Variants in TMEM131 observed in about 807,000 individuals in gnomAD.
The protein encoded by TMEM131 is transmembrane protein 131.
Under a neutral mutation model 211.6 loss-of-function variants are expected in TMEM131, and 66 were observed. That is an observed-to-expected ratio of 0.31 (90% CI 0.26 to 0.38). The LOEUF (loss-of-function observed/expected upper bound fraction) is 0.38, where lower values mean the gene tolerates loss of function less well. Ranked by LOEUF, TMEM131 falls within the 10% of genes least tolerant of loss-of-function variation. The pLI, the probability that TMEM131 is intolerant of heterozygous loss-of-function variation, is 1.00. For missense variants in TMEM131, 2,036 were observed against 2,299.3 expected, an observed-to-expected ratio of 0.89 and a Z score of 2.34; for synonymous variants, 844 against 841.3, an observed-to-expected ratio of 1.00 and a Z score of -0.06.
chr2:97,847,197 G>A (rs1353923221), intron 5 of TMEM131, among the ~76,000 whole-genome samples: 1 of 149,052 alleles, frequency 6.7e-6, no homozygotes, highest in Non-Finnish European at 1.5e-5. Flanking sequence ...CAAAAATAAA[G>A]TGCAAAGAAG....
At chr2:97,958,031 G>A (rs866131290) in intron 1 of TMEM131, among the ~76,000 whole-genome samples, 3 of 152,196 alleles carry the variant, frequency 2.0e-5, no homozygotes, top group Admixed American at 6.5e-5. Flanking sequence ...TGAAGGAAGA[G>A]TCAGGTGAAC....
chr2:97,805,057 T>C, intron 22 of TMEM131, 31 bp downstream of exon 22: 2 of 1,419,570 alleles, frequency 1.4e-6, no homozygotes, highest in Non-Finnish European at 1.9e-6. Context: ...CTTGTAAAGA[T>C]GGCTAAAATA....
chr2:97,897,783 A>G (rs2104317792), intron 3 of TMEM131, among the ~76,000 whole-genome samples: 1 of 152,286 alleles, frequency 6.6e-6, no homozygotes, highest in Middle Eastern at 3.4e-3. Context: ...GCGTTTATGT[A>G]AGACTAGTAA....
At position 97,792,664 on chromosome 2, in the gene TMEM131, C is replaced by T; in HGVS notation, c.3866G>A (p.Gly1289Asp). ...CGGGCTGTGGGCATGGTGCTGGCTG[C>T]CGTGCTGGCTCTGCTTTGCCCCTTT... ...KSKGAKQSQHGSQHHAHSPLE... is the reference protein window; with the variant it reads ...KSKGAKQSQHDSQHHAHSPLE... The change falls in exon 31 of 41, where the codon GGC becomes GAC. Residue 1289 changes from glycine to aspartate, a missense_variant. Physicochemically the swap from Gly to Asp is moderately conservative, Grantham distance 94 (BLOSUM62 -1). This residue lies in a region of TMEM131 where 1,623 missense variants were observed against 1,805.9 expected (regional missense o/e 0.90). Coordinates refer to ENST00000186436, the MANE Select transcript of TMEM131 (RefSeq NM_015348.2). The T allele has an allele frequency of 1.9e-6, 3 of 1,613,898 alleles. No individual in the cohort carries two copies. The highest frequency in any genetic ancestry group is 2.5e-6 in the Non-Finnish European group (3 of 1,179,870).
intron 10 of TMEM131, among the ~76,000 whole-genome samples, chr2:97,834,134 A>G (rs1682835338): frequency 6.6e-6 from 1 of 152,248 alleles, no homozygotes; most frequent in African/African-American, 2.4e-5. Context: ...TAGTCCATAT[A>G]CATCCCAAAT....
At chr2:97,813,231 T>C (rs1393982849) in intron 15 of TMEM131, among the ~76,000 whole-genome samples, 2 of 152,178 alleles carry the variant, frequency 1.3e-5, no homozygotes, top group Non-Finnish European at 2.9e-5. Flanking sequence ...GCAAAAAGCA[T>C]GTGGTCTCAG....
intron 1 of TMEM131, among the ~76,000 whole-genome samples, chr2:97,989,282 A>C (rs889502663): frequency 5.3e-5 from 8 of 152,134 alleles, no homozygotes; most frequent in East Asian, 1.9e-4. Flanking sequence ...CAAAACAAAA[A>C]AAAAAAAAAG....
Position 97,757,030 on chromosome 2 carries a change from G to T in TMEM131, c.*69C>A. ...GGAGCTGCAGTAAGAGCCTTAAAAA[G>T]ATGTCTCAGAAACTGGCACATCATG... is the stretch of plus-strand genomic sequence containing the variant. On this transcript the variant is annotated 3_prime_UTR_variant, in exon 41 of 41. Transcript: ENST00000186436. The T allele has an allele frequency of 1.3e-6, 2 of 1,482,838 alleles. No individual in the cohort carries two copies. The highest frequency in any genetic ancestry group is 2.4e-5 in the East Asian group (1 of 42,388). 91.9% of individuals were successfully genotyped at this position (1,482,838 alleles called of 1,614,324 possible). A position where few individuals can be genotyped will look rare whatever the true frequency, so the allele number is the denominator to read the frequency against.
intron 35 of TMEM131, 106 bp from the exon 36 acceptor site, chr2:97,762,306 C>T (rs1043106319): frequency 1.7e-5 from 20 of 1,145,572 alleles, no homozygotes; most frequent in Admixed American, 4.9e-5. Context: ...AGCCCTTCTA[C>T]AAAGAAAACA....
chr2:97,865,860 C>T (rs1193986378), intron 4 of TMEM131, among the ~76,000 whole-genome samples: 1 of 152,092 alleles, frequency 6.6e-6, no homozygotes, highest in Non-Finnish European at 1.5e-5. Flanking sequence ...CTATGTGGAG[C>T]AGGGCTTGCT....
intron 40 of TMEM131, 39 bp from the exon 41 acceptor site, chr2:97,757,422 A>C: frequency 6.5e-7 from 1 of 1,539,676 alleles, no homozygotes; most frequent in Non-Finnish European, 8.8e-7. Context: ...TGAGCCCGGC[A>C]GGCAGAGGGT....
intron 17 of TMEM131, 41 bp downstream of exon 17, chr2:97,812,380 C>T: frequency 6.4e-7 from 1 of 1,570,536 alleles, no homozygotes; most frequent in East Asian, 2.2e-5. Flanking sequence ...GCAGTTTAGA[C>T]ATCCATCTTA....
chr2:97,817,118 G>C (rs775643167), intron 12 of TMEM131, among the ~76,000 whole-genome samples: 1 of 152,090 alleles, frequency 6.6e-6, no homozygotes, highest in African/African-American at 2.4e-5. Context: ...TAGAGCCTAC[G>C]ATCTCAGAAG....
intron 3 of TMEM131, among the ~76,000 whole-genome samples, chr2:97,898,206 A>G (rs1675696977): frequency 6.6e-6 from 1 of 151,932 alleles, no homozygotes; most frequent in Admixed American, 6.6e-5. Flanking sequence ...CTGATGCTCT[A>G]TGTCTTAAAC....
chr2:97,910,927 T>A (rs1346497891), intron 2 of TMEM131, among the ~76,000 whole-genome samples: 1 of 152,146 alleles, frequency 6.6e-6, no homozygotes. Flanking sequence ...CTCCTAGATA[T>A]ATGCCCAAGA....
At chr2:97,930,157 A>G (rs1165100358) in intron 1 of TMEM131, among the ~76,000 whole-genome samples, 1 of 151,840 alleles carries the variant, frequency 6.6e-6, no homozygotes, top group East Asian at 1.9e-4. Context: ...GAACAGCCAG[A>G]TGTTCACAAT....
intron 1 of TMEM131, among the ~76,000 whole-genome samples, chr2:97,970,945 G>C (rs952932352): frequency 5.3e-5 from 8 of 152,164 alleles, no homozygotes; most frequent in Admixed American, 4.6e-4. Flanking sequence ...AGCCGGGTTT[G>C]TTTTTAATGT....
At chr2:97,801,830 T>C (rs1681049358) in intron 25 of TMEM131, 65 bp downstream of exon 25, 21 of 1,225,748 alleles carry the variant, frequency 1.7e-5, no homozygotes, top group Non-Finnish European at 2.3e-5. Context: ...TAATTTTCTT[T>C]CATATTTATA....
chr2:97,922,481 A>C (rs1398279514), intron 2 of TMEM131, among the ~76,000 whole-genome samples: 1 of 152,236 alleles, frequency 6.6e-6, no homozygotes, highest in Non-Finnish European at 1.5e-5. Flanking sequence ...ACACATAAAC[A>C]GCAGAAATAA....
Sources: gnomAD v4.1 joint callset for allele counts (sites outside exome capture counted in the v4.1 genomes callset) on GRCh38, gnomAD v4.1.1 for gene constraint, gnomAD v4.1.1 regional missense constraint, MANE v1.5 for transcripts, NCBI Gene and HGNC (gene_info 2026-07-23, HGNC 2026-07-21) for gene names.